The following RNF2 variants were observed in gnomAD, a reference collection of about 807,000 sequenced individuals.
RNF2 encodes the protein ring finger protein 2.
A neutral mutation model predicts 37.2 loss-of-function variants in RNF2; 6 were observed. The ratio of observed to expected loss-of-function variants is 0.16; its 90% CI spans 0.09 to 0.32. The LOEUF is 0.32. RNF2 is among the 10% of genes least tolerant of loss of function. RNF2 has a pLI of 1.00. For synonymous variants in RNF2, 133 were observed against 132.7 expected (o/e 1.00, Z -0.02); for missense variants, 251 against 404.0 (o/e 0.62, Z 3.25).
intron 1 of RNF2, among the ~76,000 whole-genome samples, chr1:185,049,582 A>C (rs547344924): frequency 6.6e-6 from 1 of 152,022 alleles, no homozygotes; most frequent in Non-Finnish European, 1.5e-5. Context: ...ATTGTTTTAC[A>C]ATGTGCTAGG....
intron 1 of RNF2, 72 bp from the exon 2 acceptor site, chr1:185,087,480 G>A (rs1175022997): frequency 2.4e-6 from 3 of 1,258,652 alleles, no homozygotes; most frequent in Non-Finnish European, 3.5e-6. Flanking sequence ...ATTTTGGTGG[G>A]ACACATACAT....
intron 1 of RNF2, among the ~76,000 whole-genome samples, chr1:185,076,735 G>A (rs995921435): frequency 8.0e-5 from 12 of 150,580 alleles, no homozygotes; most frequent in African/African-American, 2.9e-4. Context: ...ATCTGTTTTT[G>A]AGCCCTTTGT....
intron 1 of RNF2, among the ~76,000 whole-genome samples, chr1:185,048,692 T>G (rs1201091297): frequency 6.6e-6 from 1 of 152,178 alleles, no homozygotes; most frequent in Non-Finnish European, 1.5e-5. Flanking sequence ...TCTTTTTGTT[T>G]CTATGCTATA....
chr1:185,084,473 C>T (rs903908272), intron 1 of RNF2, among the ~76,000 whole-genome samples: 21 of 152,134 alleles, frequency 1.4e-4, no homozygotes, highest in East Asian at 7.7e-4. Flanking sequence ...AAGGAGGACA[C>T]GTTTCAGATA....
chr1:185,059,778 A>G (rs1650546782), intron 1 of RNF2, among the ~76,000 whole-genome samples: 1 of 152,226 alleles, frequency 6.6e-6, no homozygotes, highest in African/African-American at 2.4e-5. Context: ...GACAAAGAAT[A>G]TGAAAATTAT....
At chr1:185,077,401 T>C (rs1442464359) in intron 1 of RNF2, among the ~76,000 whole-genome samples, 1 of 152,150 alleles carries the variant, frequency 6.6e-6, no homozygotes, top group Non-Finnish European at 1.5e-5. Context: ...CTCCTGACTT[T>C]TTTAACAGGA....
At chr1:185,092,653 A>G (rs1264231247) in intron 3 of RNF2, among the ~76,000 whole-genome samples, 3 of 152,132 alleles carry the variant, frequency 2.0e-5, no homozygotes, top group South Asian at 2.1e-4. Flanking sequence ...TTAAGTATAT[A>G]AAATAATATC....
At chr1:185,061,705 AAAC>A (rs1275797101) in intron 1 of RNF2, among the ~76,000 whole-genome samples, 1 of 152,232 alleles carries the variant, frequency 6.6e-6, no homozygotes, top group Non-Finnish European at 1.5e-5. Context: ...AGATTAGAGG[AAAC>A]AACTGGTTGC....
chr1:185,076,281 T>TTTTTTTTTG (rs1651157013), intron 1 of RNF2, among the ~76,000 whole-genome samples: 1 of 46,536 alleles, frequency 2.1e-5, no homozygotes, highest in African/African-American at 1.0e-4. Context: ...TTTTTTTTTT[T>TTTTTTTTTG]TTTTTTTTTT....
chr1:185,078,728 G>T (rs1287326112), intron 1 of RNF2, among the ~76,000 whole-genome samples: 1 of 152,010 alleles, frequency 6.6e-6, no homozygotes, highest in Non-Finnish European at 1.5e-5. Context: ...TGGCCAACAT[G>T]GTGAAACCCC....
chr1:185,049,343 A>T (rs997032203), intron 1 of RNF2, among the ~76,000 whole-genome samples: 5 of 152,170 alleles, frequency 3.3e-5, no homozygotes, highest in Admixed American at 2.0e-4. Context: ...AAAGGAGGTG[A>T]GTGTGTGTGT....
intron 1 of RNF2, among the ~76,000 whole-genome samples, chr1:185,056,264 T>G (rs1164997232): frequency 6.6e-6 from 1 of 152,196 alleles, no homozygotes; most frequent in Admixed American, 6.5e-5. Context: ...TTTTGGGTAA[T>G]CTTTGGAATA....
intron 1 of RNF2, among the ~76,000 whole-genome samples, chr1:185,082,724 T>C (rs919760671): frequency 6.6e-6 from 1 of 152,168 alleles, no homozygotes; most frequent in African/African-American, 2.4e-5. Flanking sequence ...GAATGCAGTG[T>C]CGATGTTGCG....
At chr1:185,085,153 T>TTC (rs1553241945) in intron 1 of RNF2, among the ~76,000 whole-genome samples, 21 of 143,920 alleles carry the variant, frequency 1.5e-4, no homozygotes, top group Non-Finnish European at 3.0e-4. Context: ...TTCTTTTTTT[T>TTC]TTTTTTTTTT....
chr1:185,050,356 A>G (rs1650238289), intron 1 of RNF2, among the ~76,000 whole-genome samples: 1 of 152,224 alleles, frequency 6.6e-6, no homozygotes. Context: ...TTCTCTGCCT[A>G]CCTAACTTTA....
At chr1:185,080,981 C>T (rs1336270825) in intron 1 of RNF2, among the ~76,000 whole-genome samples, 1 of 152,120 alleles carries the variant, frequency 6.6e-6, no homozygotes, top group Non-Finnish European at 1.5e-5. Context: ...AGAAATCCCT[C>T]CAATGGATTT....
At chr1:185,060,132 T>TA (rs1284516296) in intron 1 of RNF2, among the ~76,000 whole-genome samples, 10 of 152,256 alleles carry the variant, frequency 6.6e-5, no homozygotes, top group African/African-American at 1.2e-4. Flanking sequence ...GCTGCTGACT[T>TA]ATGCTGTGGC....
chr1:185,058,253 A>G (rs1032829222), intron 1 of RNF2, among the ~76,000 whole-genome samples: 4 of 152,242 alleles, frequency 2.6e-5, no homozygotes, highest in Admixed American at 6.5e-5. Context: ...TGTGTAGGTT[A>G]TGCAAATATT....
chr1:185,059,281 A>G (rs545548930), intron 1 of RNF2, among the ~76,000 whole-genome samples: 3 of 152,064 alleles, frequency 2.0e-5, no homozygotes, highest in Admixed American at 6.5e-5. Flanking sequence ...TGCAAAAGAA[A>G]ATCTACCTAT....
Sources: gnomAD v4.1 joint callset for allele counts (sites outside exome capture counted in the v4.1 genomes callset) on GRCh38, gnomAD v4.1.1 for gene constraint, MANE v1.5 for transcripts, NCBI Gene and HGNC (gene_info 2026-07-23, HGNC 2026-07-21) for gene names.